The following FAM117A variants were observed in gnomAD, a reference collection of about 807,000 sequenced individuals.
The protein encoded by FAM117A is family with sequence similarity 117 member A, also known as protein FAM117A.
In FAM117A, 21 loss-of-function variants were observed where a neutral mutation model predicts 44.1. That is an observed-to-expected ratio of 0.48 (90% CI 0.34 to 0.69). FAM117A has a LOEUF of 0.69. Among genes scored for constraint, FAM117A ranks in the 30% least tolerant of loss-of-function variants. FAM117A has a pLI of 0.01. For missense variants in FAM117A, 498 were observed against 589.9 expected, an observed-to-expected ratio of 0.84 and a Z score of 1.61; for synonymous variants, 220 against 238.3, an observed-to-expected ratio of 0.92 and a Z score of 0.71.
intron 7 of FAM117A, among the ~76,000 whole-genome samples, chr17:49,714,068 G>A (rs1242072361): frequency 1.3e-5 from 2 of 152,160 alleles, no homozygotes; most frequent in African/African-American, 2.4e-5. Flanking sequence ...GTGCATGTAC[G>A]TGTTGGGAAG....
chr17:49,776,063 A>T (rs2073774787), intron 1 of FAM117A, among the ~76,000 whole-genome samples: 1 of 152,120 alleles, frequency 6.6e-6, no homozygotes. Flanking sequence ...TAGTAACATC[A>T]AGGCTCCAGG....
intron 1 of FAM117A, among the ~76,000 whole-genome samples, chr17:49,752,093 T>C (rs2073679868): frequency 6.7e-6 from 1 of 149,014 alleles, no homozygotes; most frequent in Non-Finnish European, 1.5e-5. Flanking sequence ...CCATCTCTAT[T>C]AAAAAAAAAA....
intron 1 of FAM117A, among the ~76,000 whole-genome samples, chr17:49,746,439 G>A (rs904273212): frequency 9.9e-5 from 15 of 152,206 alleles, no homozygotes; most frequent in Admixed American, 8.5e-4. Flanking sequence ...TAATTTGGGG[G>A]ACTGAAGGTA....
chr17:49,766,928 G>T (rs975777452), upstream of FAM117A, among the ~76,000 whole-genome samples: 3 of 152,210 alleles, frequency 2.0e-5, no homozygotes, highest in Admixed American at 6.5e-5. Context: ...CAAGGTACCA[G>T]AAATTAAGAA....
chr17:49,788,846 G>T, upstream of FAM117A: 3 of 1,590,062 alleles, frequency 1.9e-6, no homozygotes, highest in Non-Finnish European at 2.6e-6. Flanking sequence ...TGCCGCGAAG[G>T]AAGGTGAGAA....
chr17:49,711,612 A>G lies in FAM117A; in HGVS notation c.1062-57T>C, dbSNP rs1476036950. On this transcript the variant is annotated intron_variant, in intron 7 of 7. Transcript: ENST00000240364. ...TACGTACACACAGAGAGAAACAGAC[A>G]GCGAGAGAGGGTGAGATGTCACAGC... 3 of 1,527,628 alleles carry G rather than the reference A, an allele frequency of 2.0e-6. No individual in the cohort carries two copies. The African/African-American group carries it at 4.1e-5, about 21-fold the overall frequency. 94.6% of individuals were successfully genotyped at this position (1,527,628 alleles called of 1,614,324 possible).
intron 1 of FAM117A, among the ~76,000 whole-genome samples, chr17:49,763,533 C>A (rs1336169972): frequency 1.3e-5 from 2 of 151,182 alleles, no homozygotes; most frequent in Admixed American, 1.3e-4. Context: ...GCACGGGGCG[C>A]CCCCACCACG....
At chr17:49,712,003 G>A (rs1260995835) in intron 7 of FAM117A, among the ~76,000 whole-genome samples, 9 of 152,148 alleles carry the variant, frequency 5.9e-5, no homozygotes, top group South Asian at 2.1e-4. Flanking sequence ...AAAATTAGCC[G>A]GGTGTGGCAG....
intron 7 of FAM117A, among the ~76,000 whole-genome samples, chr17:49,713,980 C>A (rs946131667): frequency 6.6e-6 from 1 of 151,996 alleles, no homozygotes; most frequent in African/African-American, 2.4e-5. Context: ...CAAGGGCTTC[C>A]CTGATGGAGA....
At chr17:49,733,518 CA>C (rs2073596043) in intron 1 of FAM117A, among the ~76,000 whole-genome samples, 1 of 151,682 alleles carries the variant, frequency 6.6e-6, no homozygotes, top group African/African-American at 2.4e-5. Flanking sequence ...ACTAAAAATA[CA>C]AAAATTAGCC....
intron 5 of FAM117A, among the ~76,000 whole-genome samples, chr17:49,719,139 G>A (rs2073520596): frequency 6.6e-6 from 1 of 151,846 alleles, no homozygotes; most frequent in African/African-American, 2.4e-5. Context: ...GCAAGCGCCT[G>A]TAATCCCAGC....
intron 1 of FAM117A, among the ~76,000 whole-genome samples, chr17:49,735,074 G>A (rs921948046): frequency 2.6e-5 from 4 of 152,244 alleles, no homozygotes; most frequent in African/African-American, 9.6e-5. Context: ...TGAAATTCAG[G>A]TTGTGGAAAT....
chr17:49,721,882 G>A (rs2073536083), intron 3 of FAM117A, among the ~76,000 whole-genome samples: 1 of 151,992 alleles, frequency 6.6e-6, no homozygotes, highest in Non-Finnish European at 1.5e-5. Flanking sequence ...CTGAGGTCAG[G>A]AGTTCAGGAC....
chr17:49,759,504 T>C (rs1362889201), intron 1 of FAM117A, among the ~76,000 whole-genome samples: 1 of 152,210 alleles, frequency 6.6e-6, no homozygotes, highest in Non-Finnish European at 1.5e-5. Context: ...GAAGGGGAAT[T>C]GTAGCTCTTA....
At chr17:49,761,520 T>C (rs905466157) in intron 1 of FAM117A, among the ~76,000 whole-genome samples, 1 of 152,190 alleles carries the variant, frequency 6.6e-6, no homozygotes, top group African/African-American at 2.4e-5. Context: ...GATATTATTA[T>C]CCACAGATGA....
At chr17:49,713,450 T>C (rs2143687466) in intron 7 of FAM117A, among the ~76,000 whole-genome samples, 1 of 152,196 alleles carries the variant, frequency 6.6e-6, no homozygotes, top group East Asian at 1.9e-4. Flanking sequence ...TACTTTTTAT[T>C]GAAGTATAAT....
intron 2 of FAM117A, among the ~76,000 whole-genome samples, chr17:49,723,672 A>G (rs1257495442): frequency 1.3e-5 from 2 of 152,084 alleles, no homozygotes; most frequent in Middle Eastern, 3.2e-3. Context: ...GGACGGGGAA[A>G]AAAACCCAAC....
At chr17:49,726,571 C>G (rs1292233789) in intron 2 of FAM117A, among the ~76,000 whole-genome samples, 1 of 152,202 alleles carries the variant, frequency 6.6e-6, no homozygotes, top group African/African-American at 2.4e-5. Context: ...CCCTCCTAAA[C>G]TGGGAGTGCC....
chr17:49,720,244 C>A, intron 4 of FAM117A, 82 bp downstream of exon 4: 1 of 1,147,348 alleles, frequency 8.7e-7, no homozygotes, highest in Non-Finnish European at 1.3e-6. Context: ...TCGGCAGTTC[C>A]AAGACCCAGG....
Sources: gnomAD v4.1 joint callset for allele counts (sites outside exome capture counted in the v4.1 genomes callset) on GRCh38, gnomAD v4.1.1 for gene constraint, MANE v1.5 for transcripts, NCBI Gene and HGNC (gene_info 2026-07-23, HGNC 2026-07-21) for gene names.